The following CDC42BPG variants were observed in gnomAD, a reference collection of about 807,000 sequenced individuals.
CDC42BPG encodes the protein serine/threonine-protein kinase MRCK gamma.
Under a neutral mutation model 192.2 loss-of-function variants are expected in CDC42BPG, and 157 were observed. The observed-to-expected ratio is 0.82, with a 90% CI of 0.72 to 0.93. The LOEUF (loss-of-function observed/expected upper bound fraction) is 0.93. Ranked by LOEUF, CDC42BPG falls within the 40% of genes least tolerant of loss-of-function variation. The pLI, the probability that CDC42BPG is intolerant of heterozygous loss-of-function variation, is 0.00. For missense variants in CDC42BPG, 1,992 were observed against 2,122.1 expected (o/e 0.94, Z 1.20); for synonymous variants, 981 against 918.5 (o/e 1.07, Z -1.23).
Position 64,838,870 on chromosome 11 carries a change from G to A in CDC42BPG, c.909C>T (p.Asp303=), listed in dbSNP as rs139093694. The part of the protein sequence containing the change: ...DHLQFPPDVP[D]VPASAQDLIR... ...TCAGGTCTTGGGCGCTGGCTGGCAC[G>A]TCAGGCACGTCCGGGGGGAACTGCA... is the stretch of plus-strand genomic sequence containing the variant. The change falls in exon 8 of 37, where the codon GAC becomes GAT. Residue 303 remains aspartate (D), a synonymous_variant. Coordinates refer to ENST00000342711, the MANE Select transcript of CDC42BPG (RefSeq NM_017525.3). 2.5e-4 allele frequency: 395 copies of A among 1,610,570 alleles called. No homozygotes were observed. The highest frequency in any genetic ancestry group is 3.1e-4 in the Non-Finnish European group (364 of 1,179,838).
chr11:64,826,640 G>A, intron 35 of CDC42BPG, 31 bp downstream of exon 35: 1 of 1,586,080 alleles, frequency 6.3e-7, no homozygotes, highest in Non-Finnish European at 8.6e-7. Flanking sequence ...GGTGGGGGGT[G>A]GCACACTGGA....
Position 64,839,207 on chromosome 11 carries a change from C to A in CDC42BPG, c.702G>T (p.Thr234=), listed in dbSNP as rs746896666. ...GGATCTCAGGGGAGATATAGTCCGG[C>A]GTCCCTACTGCCACTGATGAATCCA... The part of the protein sequence containing the change: ...GMVDSSVAVG[T]PDYISPEILQ... Residue 234 remains threonine, a synonymous_variant, in exon 7 of 37, where the codon ACG becomes ACT. Coordinates refer to ENST00000342711, the MANE Select transcript of CDC42BPG (RefSeq NM_017525.3). The A allele has an allele frequency of 6.2e-7, 1 of 1,613,240 alleles. No individual in the cohort carries two copies. The highest frequency in any genetic ancestry group is 8.5e-7 in the Non-Finnish European group (1 of 1,180,034).
intron 10 of CDC42BPG, 28 bp from the exon 11 acceptor site, chr11:64,836,847 A>G: frequency 1.2e-6 from 2 of 1,609,184 alleles, no homozygotes; most frequent in Non-Finnish European, 1.7e-6. Flanking sequence ...CCCACAGGTG[A>G]GTCCACTCCT....
intron 7 of CDC42BPG, 41 bp downstream of exon 7, chr11:64,838,992 C>CCCA (rs2136374995): frequency 6.2e-7 from 1 of 1,612,430 alleles, no homozygotes; most frequent in East Asian, 2.2e-5. Context: ...ACTCAGGGGT[C>CCCA]CCACTGCCCC....
rs1246491701 is a variant in CDC42BPG, at chr11:64,826,726, C to T, written c.4458G>A (p.Ala1486=). 1 of 1,548,674 alleles carries T rather than the reference C, an allele frequency of 6.5e-7. No homozygotes were observed. ...TGCCCATGGAGGCTGGGCGCCGCAA[C>T]GCCTCGGAGAAGCTGTGGGGCCGCT... The part of the protein sequence containing the change: ...GPQRPHSFSE[A]LRRPASMGSE... Residue 1486 remains alanine (A), a synonymous_variant, in exon 35 of 37, where the codon GCG becomes GCA. Coordinates refer to ENST00000342711, the MANE Select transcript of CDC42BPG (RefSeq NM_017525.3).
intron 16 of CDC42BPG, 64 bp downstream of exon 16, chr11:64,835,283 C>CTG: frequency 6.2e-7 from 1 of 1,611,364 alleles, no homozygotes; most frequent in Non-Finnish European, 8.5e-7. Flanking sequence ...CTTGCCCACC[C>CTG]CTCAACTGGC....
chr11:64,834,933 G>A lies in CDC42BPG; in HGVS notation c.2091C>T (p.Tyr697=), dbSNP rs1319739374. 3 of 1,614,034 alleles carry A rather than the reference G, an allele frequency of 1.9e-6. No individual in the cohort carries two copies. Among genetic ancestry groups the A allele is most frequent in the East Asian group, 4.5e-5 (2 of 44,888 alleles). Residue 697 remains tyrosine, a synonymous_variant, in exon 18 of 37, where the codon TAC becomes TAT. Coordinates refer to ENST00000342711, the MANE Select transcript of CDC42BPG (RefSeq NM_017525.3). The part of the protein sequence containing the change: ...WVNDEKVSRG[Y]LQALATKMAE... ...CCATCTTGGTGGCCAGGGCCTGCAG[G>A]TAGCCTCTTGAGACCTTCTCATCAT... is the stretch of plus-strand genomic sequence containing the variant.
chr11:64,828,272 C>G (rs1942526462), intron 30 of CDC42BPG, among the ~76,000 whole-genome samples: 2 of 25,858 alleles, frequency 7.7e-5, no homozygotes, highest in Non-Finnish European at 1.4e-4. Context: ...CAGACTGCCC[C>G]ACTGCCTCAT....
rs769047631 is a variant in CDC42BPG, at chr11:64,833,765, C to T, written c.2538G>A (p.Pro846=). 25 of 1,614,166 alleles carry T rather than the reference C, an allele frequency of 1.5e-5. No individual in the cohort carries two copies. Among genetic ancestry groups the T allele is most frequent in the Non-Finnish European group, 1.7e-5 (20 of 1,180,046 alleles). ...CCATGCGCAGGCTGCGTCGGCCCTC[C>T]GGCCTCAGATCTGGCTCTCCTCCAT... The part of the protein sequence containing the change: ...TRHGGEPDLR[P]EGRRSLRMGA... Residue 846 remains proline, a synonymous_variant, in exon 22 of 37, where the codon CCG becomes CCA. Transcript: ENST00000342711.
intron 6 of CDC42BPG, 100 bp from the exon 7 acceptor site, chr11:64,839,333 C>T: frequency 6.5e-7 from 1 of 1,532,374 alleles, no homozygotes; most frequent in Non-Finnish European, 9.0e-7. Flanking sequence ...GCCAGGCTGG[C>T]CTGCTGCTGC....
chr11:64,836,681 C>T (rs1943007481), intron 11 of CDC42BPG, 58 bp downstream of exon 11: 4 of 1,226,670 alleles, frequency 3.3e-6, no homozygotes, highest in Non-Finnish European at 4.5e-6. Flanking sequence ...CAGGGCAGGA[C>T]CCGAGCCCAG....
intron 1 of CDC42BPG, among the ~76,000 whole-genome samples, chr11:64,843,073 G>A (rs1005421809): frequency 1.3e-5 from 2 of 152,132 alleles, no homozygotes; most frequent in African/African-American, 2.4e-5. Context: ...CCCGCCAGAA[G>A]AGGGCCGAAG....
chr11:64,840,378 G>A, intron 4 of CDC42BPG, 110 bp from the exon 5 acceptor site: 2 of 1,484,768 alleles, frequency 1.3e-6, no homozygotes, highest in Non-Finnish European at 1.8e-6. Context: ...GCAGCTCTGG[G>A]CTGGCCAGTT....
At chr11:64,840,464 G>T (rs1943230139) in intron 4 of CDC42BPG, 89 bp downstream of exon 4, 9 of 1,445,414 alleles carry the variant, frequency 6.2e-6, no homozygotes, top group African/African-American at 2.8e-5. Flanking sequence ...CCCAAGAGGG[G>T]TCTCTCTTTG....
intron 12 of CDC42BPG, 47 bp downstream of exon 12, chr11:64,836,380 A>ACCTCACCCAGC (rs1555172956): frequency 1.0e-4 from 160 of 1,604,600 alleles, no homozygotes; most frequent in Non-Finnish European, 1.2e-4. Flanking sequence ...CCACTCACCC[A>ACCTCACCCAGC]CCTCACCCAC....
chr11:64,828,502 G>A (rs1386473236), intron 30 of CDC42BPG, among the ~76,000 whole-genome samples: 2 of 152,222 alleles, frequency 1.3e-5, no homozygotes, highest in Non-Finnish European at 2.9e-5. Flanking sequence ...ACCAATGACG[G>A]GGAAGCAGGG....
rs371471295 is a variant in CDC42BPG, at chr11:64,834,277, C to A, written c.2402G>T (p.Arg801Leu). 6.4e-7 allele frequency: 1 copy of A among 1,573,144 alleles called. No individual in the cohort carries two copies. The highest frequency in any genetic ancestry group is 1.8e-5 in the Admixed American group (1 of 55,940). ...LAMLREELRARGPVDTKPSNS... is the reference protein window; with the variant it reads ...LAMLREELRALGPVDTKPSNS... ...TGGCAGCCACTCACCCACTGGCCCT[C>A]GGGCCCGCAGCTCCTCCCGCAGCAT... Residue 801 changes from arginine (R) to leucine (L), a missense_variant, in exon 20 of 37, where the codon CGA becomes CTA. Coordinates refer to ENST00000342711, the MANE Select transcript of CDC42BPG (RefSeq NM_017525.3).
chr11:64,839,097 A>T lies in CDC42BPG; in HGVS notation c.812T>A (p.Phe271Tyr). ...SLGVCAYELL[F>Y]GETPFYAESL... ...CTCAGCATAGAAGGGCGTCTCCCCA[A>T]AGAGCAGCTCATAGGCGCAGACTCC... The change falls in exon 7 of 37, where the codon TTT (phenylalanine) becomes TAT (tyrosine). Residue 271 changes from phenylalanine to tyrosine, a missense_variant. By Grantham distance (22) the Phe-to-Tyr change is conservative (BLOSUM62 3). Coordinates refer to ENST00000342711, the MANE Select transcript of CDC42BPG (RefSeq NM_017525.3). The T allele has an allele frequency of 1.9e-6, 3 of 1,613,622 alleles. No homozygotes were observed. Among genetic ancestry groups the T allele is most frequent in the Non-Finnish European group, 1.7e-6 (2 of 1,180,028 alleles).
chr11:64,839,153 G>A lies in CDC42BPG; in HGVS notation c.756C>T (p.His252=). ...ACCACCAGTCACACTGTGGGCCGTA[G>A]TGGCCCTTGCCCTCCTCCATGGCCT... The part of the protein sequence containing the change: ...ILQAMEEGKG[H]YGPQCDWWSL... Residue 252 remains histidine, a synonymous_variant, in exon 7 of 37, where the codon CAC becomes CAT. Coordinates refer to ENST00000342711, the MANE Select transcript of CDC42BPG (RefSeq NM_017525.3). 6.2e-7 allele frequency: 1 copy of A among 1,613,526 alleles called. No homozygotes were observed. The highest frequency in any genetic ancestry group is 8.5e-7 in the Non-Finnish European group (1 of 1,180,026).
Sources: allele counts gnomAD v4.1 joint callset (sites outside exome capture counted in the v4.1 genomes callset), GRCh38; gene constraint gnomAD v4.1.1; transcripts MANE v1.5; gene names NCBI Gene and HGNC (gene_info 2026-07-23, HGNC 2026-07-21).